TMTC1: variants seen among roughly 807,000 people sequenced by gnomAD.
TMTC1 encodes transmembrane O-mannosyltransferase targeting cadherins 1, also known as protein O-mannosyl-transferase TMTC1.
TMTC1 carries 73 observed loss-of-function variants against 104.8 expected under a neutral mutation model. The ratio of observed to expected loss-of-function variants is 0.70; its 90% confidence interval spans 0.58 to 0.85. TMTC1 has a LOEUF of 0.85. Ranked by LOEUF, TMTC1 falls within the 40% of genes least tolerant of loss-of-function variation. TMTC1 has a pLI of 0.00. For missense variants in TMTC1, 1,035 were observed against 1,096.1 expected, an observed-to-expected ratio of 0.94 and a Z score of 0.79; for synonymous variants, 434 against 428.7, an observed-to-expected ratio of 1.01 and a Z score of -0.15.
chr12:29,633,075 C>A (rs772119672), intron 6 of TMTC1, 72 bp downstream of exon 6: 12 of 1,418,062 alleles, frequency 8.5e-6, no homozygotes, highest in Non-Finnish European at 1.1e-5. Flanking sequence ...ACCATCCGCA[C>A]TAAAAAGAAC....
intron 8 of TMTC1, among the ~76,000 whole-genome samples, chr12:29,572,956 T>C (rs159681): frequency 0.98 from 149,335 of 152,344 alleles, 73,210 homozygotes; most frequent in East Asian, 1. Flanking sequence ...AGATGTAACA[T>C]GCAGTGTCCT....
At chr12:29,740,601 T>C (rs370582969) in intron 5 of TMTC1, among the ~76,000 whole-genome samples, 2 of 152,128 alleles carry the variant, frequency 1.3e-5, no homozygotes, top group Non-Finnish European at 2.9e-5. Context: ...CCTTTAGATA[T>C]AGATATATAG....
intron 1 of TMTC1, among the ~76,000 whole-genome samples, chr12:29,773,430 C>T (rs1021238433): frequency 2.6e-5 from 4 of 151,932 alleles, no homozygotes; most frequent in African/African-American, 9.7e-5. Context: ...AAAAACAAAA[C>T]AAAACAAAAC....
At chr12:29,606,560 T>A (rs1484392790) in intron 6 of TMTC1, among the ~76,000 whole-genome samples, 1 of 152,226 alleles carries the variant, frequency 6.6e-6, no homozygotes, top group African/African-American at 2.4e-5. Context: ...CTTCGAAAGC[T>A]AAAATACTTT....
chr12:29,659,681 A>C (rs1459150613), intron 5 of TMTC1, among the ~76,000 whole-genome samples: 1 of 152,220 alleles, frequency 6.6e-6, no homozygotes, highest in African/African-American at 2.4e-5. Context: ...TGAATAAACA[A>C]ATATACACCA....
intron 6 of TMTC1, among the ~76,000 whole-genome samples, chr12:29,606,277 A>G (rs993854128): frequency 2.6e-5 from 4 of 152,188 alleles, no homozygotes; most frequent in African/African-American, 9.7e-5. Flanking sequence ...TCAATGAAAA[A>G]TCTCCAAACT....
intron 5 of TMTC1, among the ~76,000 whole-genome samples, chr12:29,736,120 C>T (rs145124674): frequency 5.6e-4 from 85 of 152,132 alleles, no homozygotes; most frequent in African/African-American, 2.0e-3. Context: ...TACATGAGAT[C>T]GTTATGGGCT....
intron 5 of TMTC1, among the ~76,000 whole-genome samples, chr12:29,708,375 G>A (rs924912016): frequency 1.1e-4 from 16 of 152,118 alleles, no homozygotes; most frequent in Admixed American, 3.9e-4. Context: ...CATGAACAGC[G>A]CAGAGCAAAT....
At chr12:29,607,714 T>C (rs1054849747) in intron 6 of TMTC1, among the ~76,000 whole-genome samples, 2 of 152,160 alleles carry the variant, frequency 1.3e-5, no homozygotes, top group African/African-American at 4.8e-5. Context: ...GTAGTGACCC[T>C]GCCACCGATA....
intron 5 of TMTC1, among the ~76,000 whole-genome samples, chr12:29,737,828 G>A (rs527461396): frequency 2.6e-4 from 39 of 152,272 alleles, no homozygotes; most frequent in African/African-American, 8.9e-4. Flanking sequence ...TCCCAAGGGC[G>A]TGGTGACAGT....
At chr12:29,631,960 T>C (rs1339308700) in intron 6 of TMTC1, among the ~76,000 whole-genome samples, 1 of 152,198 alleles carries the variant, frequency 6.6e-6, no homozygotes, top group Non-Finnish European at 1.5e-5. Context: ...CGTGCACGCA[T>C]TGAAGAATGG....
intron 5 of TMTC1, among the ~76,000 whole-genome samples, chr12:29,699,940 C>T (rs1441795439): frequency 6.6e-6 from 1 of 152,088 alleles, no homozygotes; most frequent in Non-Finnish European, 1.5e-5. Context: ...CCATGCCTTG[C>T]CATCATCTGG....
At chr12:29,728,373 C>T (rs1274946981) in intron 5 of TMTC1, among the ~76,000 whole-genome samples, 3 of 152,104 alleles carry the variant, frequency 2.0e-5, no homozygotes, top group East Asian at 3.9e-4. Context: ...GCCTCCTGGA[C>T]AGTCATGGCC....
At chr12:29,577,163 A>G (rs972106694) in intron 8 of TMTC1, among the ~76,000 whole-genome samples, 1 of 152,122 alleles carries the variant, frequency 6.6e-6, no homozygotes, top group Non-Finnish European at 1.5e-5. Context: ...CTTTTTTAGC[A>G]TATCTAGTGA....
intron 5 of TMTC1, among the ~76,000 whole-genome samples, chr12:29,712,765 G>A (rs1378630279): frequency 6.6e-6 from 1 of 152,150 alleles, no homozygotes; most frequent in Non-Finnish European, 1.5e-5. Context: ...TATCTTAACA[G>A]CTTTCCAGAT....
intron 5 of TMTC1, among the ~76,000 whole-genome samples, chr12:29,674,668 T>C (rs746377939): frequency 6.6e-6 from 1 of 152,300 alleles, no homozygotes; most frequent in Non-Finnish European, 1.5e-5. Flanking sequence ...GGAGGTGGCC[T>C]GTGAGGGCTC....
intron 5 of TMTC1, among the ~76,000 whole-genome samples, chr12:29,712,427 T>C (rs1021539493): frequency 2.6e-5 from 4 of 152,186 alleles, no homozygotes; most frequent in African/African-American, 9.7e-5. Context: ...TACGCTAAAA[T>C]ATTACTGAGA....
intron 10 of TMTC1, among the ~76,000 whole-genome samples, chr12:29,553,831 C>T (rs775660852): frequency 5.9e-5 from 9 of 152,234 alleles, no homozygotes; most frequent in South Asian, 2.1e-4. Context: ...TTAGAGCATC[C>T]ATCTTTTGCT....
chr12:29,722,194 T>C lies in TMTC1; in HGVS notation c.938+29472A>G, dbSNP rs143365116. ...GAACCTTCAGGGTCCCTAGATGATA[T>C]ATTGACAACTGCTAGTGTATAATGT... On this transcript the variant is annotated intron_variant, in intron 5 of 17. Coordinates refer to ENST00000539277, the MANE Select transcript of TMTC1 (RefSeq NM_001193451.2). 2.0e-5 allele frequency among the ~76,000 whole-genome samples: 3 copies of C among 152,308 alleles called. No individual in the cohort carries two copies. The East Asian group carries it at 5.8e-4, about 29-fold the overall frequency.
Sources: allele counts gnomAD v4.1 joint callset (sites outside exome capture counted in the v4.1 genomes callset), GRCh38; gene constraint gnomAD v4.1.1; transcripts MANE v1.5; gene names NCBI Gene and HGNC (gene_info 2026-07-23, HGNC 2026-07-21).